The following SNTG1 variants were observed in gnomAD, a reference collection of about 807,000 sequenced individuals.
SNTG1 encodes syntrophin gamma 1, also known as gamma-1-syntrophin.
Under a neutral mutation model 74.7 loss-of-function variants are expected in SNTG1, and 39 were observed. That is an observed-to-expected ratio of 0.52 (90% confidence interval 0.40 to 0.68). The LOEUF is 0.68. SNTG1 is among the 30% of genes least tolerant of loss of function. SNTG1 has a pLI of 0.00. For missense variants in SNTG1, 685 were observed against 609.5 expected, an observed-to-expected ratio of 1.12 and a Z score of -1.30; for synonymous variants, 254 against 217.1, an observed-to-expected ratio of 1.17 and a Z score of -1.49.
intron 2 of SNTG1, among the ~76,000 whole-genome samples, chr8:50,293,303 T>C (rs1157519446): frequency 6.6e-6 from 1 of 152,154 alleles, no homozygotes; most frequent in Non-Finnish European, 1.5e-5. Context: ...TGTCATCTCC[T>C]ACCTATGTCT....
intron 4 of SNTG1, among the ~76,000 whole-genome samples, chr8:50,425,638 C>T (rs186363343): frequency 6.6e-6 from 1 of 152,238 alleles, no homozygotes; most frequent in African/African-American, 2.4e-5. Context: ...ACCACTTGGT[C>T]TGTGGAAAAA....
chr8:49,936,390 T>C (rs981003919), intron 1 of SNTG1, among the ~76,000 whole-genome samples: 1 of 152,196 alleles, frequency 6.6e-6, no homozygotes, highest in African/African-American at 2.4e-5. Flanking sequence ...GTTCATTTTA[T>C]AGGGAATCTG....
intron 18 of SNTG1, among the ~76,000 whole-genome samples, chr8:50,782,077 G>A (rs961451109): frequency 6.6e-6 from 1 of 152,208 alleles, no homozygotes; most frequent in Non-Finnish European, 1.5e-5. Context: ...GATATCCACT[G>A]TTAGTCGGAT....
At chr8:50,237,308 T>C (rs551220948) in intron 2 of SNTG1, among the ~76,000 whole-genome samples, 4 of 152,262 alleles carry the variant, frequency 2.6e-5, no homozygotes, top group East Asian at 1.9e-4. Flanking sequence ...AGCTCTAAGG[T>C]TGATAAAATT....
chr8:50,750,659 C>A (rs139146763), intron 17 of SNTG1, among the ~76,000 whole-genome samples: 4 of 152,112 alleles, frequency 2.6e-5, no homozygotes, highest in African/African-American at 9.6e-5. Flanking sequence ...AGCAAAAGGA[C>A]TACGGCTCAC....
chr8:49,929,150 A>G (rs1291498760), intron 1 of SNTG1, among the ~76,000 whole-genome samples: 2 of 152,234 alleles, frequency 1.3e-5, no homozygotes, highest in Non-Finnish European at 2.9e-5. Context: ...ACATTTATTT[A>G]AAAGTTAGTA....
At chr8:50,531,270 A>G (rs1213300392) in intron 10 of SNTG1, among the ~76,000 whole-genome samples, 1 of 152,012 alleles carries the variant, frequency 6.6e-6, no homozygotes, top group Non-Finnish European at 1.5e-5. Context: ...GTACAAATCT[A>G]GGGATATTTT....
At chr8:50,494,142 TA>T (rs1563472290) in intron 8 of SNTG1, among the ~76,000 whole-genome samples, 2 of 149,994 alleles carry the variant, frequency 1.3e-5, no homozygotes, top group Non-Finnish European at 3.0e-5. Context: ...CACACACACA[TA>T]TATATATACA....
Position 50,173,649 on chromosome 8 carries a change from T to C in SNTG1, c.-28+1014T>C, listed in dbSNP as rs16914384. On this transcript the variant is annotated intron_variant, in intron 2 of 18. Transcript: ENST00000642720. ...GGTTTTCAAGGACTATGGCAAGTTCTGAGGCACTGAGGATTAAGCAATTAG... is the reference window on the plus strand; with the variant it reads ...GGTTTTCAAGGACTATGGCAAGTTCCGAGGCACTGAGGATTAAGCAATTAG... Among the ~76,000 whole-genome samples the C allele has an allele frequency of 8.1e-3, 1,239 of 152,256 alleles. 20 individuals are homozygous for C. Among genetic ancestry groups the C allele is most frequent in the African/African-American group, 0.029 (1,194 of 41,548 alleles).
At chr8:50,570,994 C>T (rs1382393091) in intron 12 of SNTG1, among the ~76,000 whole-genome samples, 1 of 152,042 alleles carries the variant, frequency 6.6e-6, no homozygotes, top group Non-Finnish European at 1.5e-5. Flanking sequence ...CAAGCGTTCC[C>T]CTTTCTCTAC....
chr8:49,979,128 G>C (rs559018885), intron 1 of SNTG1, among the ~76,000 whole-genome samples: 5 of 152,340 alleles, frequency 3.3e-5, no homozygotes, highest in Admixed American at 3.3e-4. Context: ...ATTTGGTAGT[G>C]TAACTAGCAG....
At chr8:50,222,412 A>G (rs927987021) in intron 2 of SNTG1, among the ~76,000 whole-genome samples, 3 of 152,062 alleles carry the variant, frequency 2.0e-5, no homozygotes, top group Non-Finnish European at 4.4e-5. Context: ...CACTGTCATA[A>G]TTTTCTGACT....
chr8:50,652,217 T>C (rs565582804), intron 13 of SNTG1, among the ~76,000 whole-genome samples: 1 of 152,332 alleles, frequency 6.6e-6, no homozygotes, highest in East Asian at 1.9e-4. Context: ...ACGTGCTTTA[T>C]CACCTAAATA....
Position 50,368,016 on chromosome 8 carries a change from GT to G in SNTG1, c.-27-26195del, listed in dbSNP as rs145939542. ...CTACGAAGGGACTATTGGTAGAAAC[GT>G]GGACATTAAAGGCAATTCTGGTAAG... On this transcript the variant is annotated intron_variant, in intron 2 of 18. Coordinates refer to ENST00000642720, the MANE Select transcript of SNTG1 (RefSeq NM_018967.5). 5.0e-3 allele frequency among the ~76,000 whole-genome samples: 761 copies of G among 152,288 alleles called. 9 individuals carry two copies. Among genetic ancestry groups the G allele is most frequent in the African/African-American group, 0.018 (728 of 41,564 alleles).
In SNTG1 at chr8:50,530,240, A is replaced by G. The variant is rs755323600; in HGVS notation, c.530A>G (p.Asn177Ser). ...CTCTGTGACAGTGGCTTACATCTCA[A>G]CTACCATCCCAACAATACAGTAAGA... ...SPLCDSGLHL[N>S]YHPNNTDTLS... Residue 177 changes from asparagine to serine, a missense_variant, in exon 10 of 19, where the codon AAC becomes AGC. By Grantham distance (46) the Asn-to-Ser change is conservative. Transcript: ENST00000642720. 6.2e-7 allele frequency: 1 copy of G among 1,613,764 alleles called. No homozygotes were observed. The highest frequency in any genetic ancestry group is 8.5e-7 in the Non-Finnish European group (1 of 1,179,762).
chr8:50,481,330 G>C (rs555703343), intron 8 of SNTG1, among the ~76,000 whole-genome samples: 4 of 152,238 alleles, frequency 2.6e-5, no homozygotes, highest in African/African-American at 9.6e-5. Flanking sequence ...GCAGTGAGCG[G>C]AGATCACGCC....
intron 15 of SNTG1, among the ~76,000 whole-genome samples, chr8:50,691,573 G>T (rs2095379600): frequency 1.3e-5 from 2 of 152,096 alleles, no homozygotes; most frequent in South Asian, 4.1e-4. Context: ...GTTGAATATT[G>T]GTCCCCACTC....
At chr8:50,345,848 C>T (rs1332981218) in intron 2 of SNTG1, among the ~76,000 whole-genome samples, 1 of 152,192 alleles carries the variant, frequency 6.6e-6, no homozygotes, top group Non-Finnish European at 1.5e-5. Flanking sequence ...CTCAACCTCT[C>T]TTTCATTTTG....
rs575179604 is a variant in SNTG1 at position 50,231,277 on chromosome 8, A to G, written c.-28+58642A>G. 2.4e-4 allele frequency among the ~76,000 whole-genome samples: 37 copies of G among 151,492 alleles called. No individual in the cohort carries two copies. The South Asian group carries it at 7.5e-3, about 31-fold the overall frequency. ...GAGAAAAGGGAACCCTCATACACTA[A>G]TGGTGGGAATGTAAATTAGTACAAC... is the stretch of plus-strand genomic sequence containing the variant. On this transcript the variant is annotated intron_variant, in intron 2 of 18. Coordinates refer to ENST00000642720, the MANE Select transcript of SNTG1 (RefSeq NM_018967.5).
Sources: gnomAD v4.1 joint callset for allele counts (sites outside exome capture counted in the v4.1 genomes callset) on GRCh38, gnomAD v4.1.1 for gene constraint, MANE v1.5 for transcripts, NCBI Gene and HGNC (gene_info 2026-07-23, HGNC 2026-07-21) for gene names.